PPFIBP2: variants seen among roughly 807,000 people sequenced by gnomAD.
PPFIBP2 encodes liprin-beta-2.
PPFIBP2 carries 118 observed loss-of-function variants against 118.3 expected under a neutral mutation model. That is an observed-to-expected ratio of 1.00 (90% CI 0.86 to 1.16). The LOEUF is 1.16. Ranked by LOEUF, PPFIBP2 falls within the 50% of genes most tolerant of loss-of-function variation. PPFIBP2 has a pLI of 0.00. For missense variants in PPFIBP2, 1,195 were observed against 1,073.1 expected, an observed-to-expected ratio of 1.11 and a Z score of -1.59; for synonymous variants, 414 against 397.4, an observed-to-expected ratio of 1.04 and a Z score of -0.50.
chr11:7,652,967 C>G, intron 23 of PPFIBP2, 57 bp from the exon 24 acceptor site: 1 of 1,529,492 alleles, frequency 6.5e-7, no homozygotes, highest in Non-Finnish European at 8.9e-7. Flanking sequence ...TATTGTCAGT[C>G]ATACCTGCAC....
At chr11:7,534,406 T>C (rs1375331589) in intron 1 of PPFIBP2, among the ~76,000 whole-genome samples, 1 of 152,252 alleles carries the variant, frequency 6.6e-6, no homozygotes, top group African/African-American at 2.4e-5. Context: ...AATATTCACT[T>C]TGAGGTTGCA....
chr11:7,596,757 T>C (rs1005228781), intron 4 of PPFIBP2, among the ~76,000 whole-genome samples: 1 of 152,212 alleles, frequency 6.6e-6, no homozygotes, highest in African/African-American at 2.4e-5. Context: ...TTCTCTCTCT[T>C]CTTGCTTTGA....
chr11:7,621,010 A>C lies in PPFIBP2; in HGVS notation c.694A>C (p.Lys232Gln), dbSNP rs1163514564. ...LENERNQYEW[K>Q]LKATKAEVAQ... ...AAATGAAAGGAATCAGTATGAATGG[A>C]AGCTAAAGGCCACTAAGGTAAACGG... The change falls in exon 7 of 24, where the codon AAG (lysine) becomes CAG (glutamine). Residue 232 changes from lysine (K) to glutamine (Q), a missense_variant. Physicochemically the swap from Lys to Gln is moderately conservative, Grantham distance 53 (BLOSUM62 1). Coordinates refer to ENST00000299492, the MANE Select transcript of PPFIBP2 (RefSeq NM_003621.5). The C allele has an allele frequency of 6.2e-7, 1 of 1,610,570 alleles. No homozygotes were observed. The highest frequency in any genetic ancestry group is 8.5e-7 in the Non-Finnish European group (1 of 1,176,676).
At chr11:7,561,993 A>G (rs556524185) in intron 2 of PPFIBP2, among the ~76,000 whole-genome samples, 7 of 152,212 alleles carry the variant, frequency 4.6e-5, no homozygotes, top group Non-Finnish European at 1.0e-4. Flanking sequence ...AAGTTTCAGG[A>G]TGAAACTGTT....
intron 5 of PPFIBP2, chr11:7,605,718 T>G: frequency 1.5e-6 from 2 of 1,346,380 alleles, no homozygotes; most frequent in South Asian, 4.2e-5. Context: ...ATAGAGTTAC[T>G]AAGTAACTAG....
Position 7,653,473 on chromosome 11 carries a change from G to A in PPFIBP2, c.*255G>A. 10 of 1,470,292 alleles carry A rather than the reference G, an allele frequency of 6.8e-6. No individual in the cohort carries two copies. Among genetic ancestry groups the A allele is most frequent in the Non-Finnish European group, 9.0e-6 (10 of 1,105,802 alleles). 91.1% of individuals were successfully genotyped at this position (1,470,292 alleles called of 1,614,324 possible). A position where few individuals can be genotyped will look rare whatever the true frequency, so the allele number is the denominator to read the frequency against. On this transcript the variant is annotated 3_prime_UTR_variant, in exon 24 of 24. Transcript: ENST00000299492. ...AAGACACTTAAAGACACTTTTACATGTCTAGTAATTCTTGATGTTCATCTT... is the reference window on the plus strand; with the variant it reads ...AAGACACTTAAAGACACTTTTACATATCTAGTAATTCTTGATGTTCATCTT...
chr11:7,635,585 G>C lies in PPFIBP2; in HGVS notation c.1228G>C (p.Glu410Gln), dbSNP rs746136424. ...MDGNQPFPVLEPKDSPFLAEH... is the reference protein window; with the variant it reads ...MDGNQPFPVLQPKDSPFLAEH... ...TGGGAACCAGCCCTTCCCGGTGTTA[G>C]AACCCAAGGTACATTGACTTCGTGC... The change falls in exon 14 of 24, where the codon GAA becomes CAA. Residue 410 changes from glutamate to glutamine, a missense_variant. Coordinates refer to ENST00000299492, the MANE Select transcript of PPFIBP2 (RefSeq NM_003621.5). 4.1e-5 allele frequency: 66 copies of C among 1,609,428 alleles called. No homozygotes were observed. Among genetic ancestry groups the C allele is most frequent in the Non-Finnish European group, 5.1e-5 (60 of 1,175,734 alleles).
intron 2 of PPFIBP2, among the ~76,000 whole-genome samples, chr11:7,559,286 T>C (rs1854024503): frequency 6.6e-6 from 1 of 152,210 alleles, no homozygotes; most frequent in Non-Finnish European, 1.5e-5. Context: ...TAAATTTTCC[T>C]GTTAATTCCA....
chr11:7,644,817 G>C (rs925831621), intron 17 of PPFIBP2, among the ~76,000 whole-genome samples: 7 of 151,662 alleles, frequency 4.6e-5, no homozygotes, highest in Non-Finnish European at 1.0e-4. Context: ...CACGAGGTCA[G>C]GAGATCGAGA....
chr11:7,552,495 A>G (rs944100481), intron 2 of PPFIBP2, among the ~76,000 whole-genome samples: 1 of 152,116 alleles, frequency 6.6e-6, no homozygotes, highest in African/African-American at 2.4e-5. Context: ...TGCAGATTTA[A>G]TACGTGGTCT....
chr11:7,543,550 G>C (rs1482172143), intron 1 of PPFIBP2, among the ~76,000 whole-genome samples: 1 of 152,230 alleles, frequency 6.6e-6, no homozygotes, highest in Admixed American at 6.5e-5. Flanking sequence ...GAGGCACAGG[G>C]AATAGCAGTG....
At chr11:7,592,517 G>A (rs1378176804) in intron 3 of PPFIBP2, among the ~76,000 whole-genome samples, 1 of 144,470 alleles carries the variant, frequency 6.9e-6, no homozygotes, top group Non-Finnish European at 1.5e-5. Context: ...GGGGAAATGT[G>A]ATCTGCCAGC....
chr11:7,537,404 G>A (rs1245296899), intron 1 of PPFIBP2, among the ~76,000 whole-genome samples: 2 of 152,202 alleles, frequency 1.3e-5, no homozygotes, highest in Non-Finnish European at 2.9e-5. Flanking sequence ...AGAGCAGGTG[G>A]TTTTTACACA....
At chr11:7,665,183 G>C in the PPFIBP2 span, 6 of 481,822 alleles carry the variant, frequency 1.2e-5, no homozygotes, top group Non-Finnish European at 2.2e-5. Context: ...CAAGCAAGGA[G>C]GCCCCAGCAG....
chr11:7,573,507 C>A (rs1339701140), intron 3 of PPFIBP2, among the ~76,000 whole-genome samples: 1 of 152,226 alleles, frequency 6.6e-6, no homozygotes, highest in African/African-American at 2.4e-5. Flanking sequence ...TTTTGCACTG[C>A]AAATAGGAGA....
At chr11:7,519,190 G>T (rs949205109) in intron 1 of PPFIBP2, among the ~76,000 whole-genome samples, 5 of 152,188 alleles carry the variant, frequency 3.3e-5, no homozygotes, top group Non-Finnish European at 7.3e-5. Flanking sequence ...TAAAGAGGAG[G>T]CTTGCGGGGT....
rs115737440 is a variant in PPFIBP2 at position 7,616,147 on chromosome 11, C to T, written c.619-4788C>T. On this transcript the variant is annotated intron_variant, in intron 6 of 23. Coordinates refer to ENST00000299492, the MANE Select transcript of PPFIBP2 (RefSeq NM_003621.5). The surrounding 1 kb of genome is among the most constrained non-coding windows in gnomAD (Gnocchi z 5.2). ...ACAAAGCCATACACACACATACACA[C>T]GCACACACAAACACCCACACACAGT... is the stretch of plus-strand genomic sequence containing the variant. 1.4e-4 allele frequency among the ~76,000 whole-genome samples: 22 copies of T among 152,052 alleles called. No individual in the cohort carries two copies. Among genetic ancestry groups the T allele is most frequent in the South Asian group, 8.3e-4 (4 of 4,822 alleles).
At chr11:7,648,254 T>G in intron 17 of PPFIBP2, 133 bp from the exon 18 acceptor site, 7 of 971,104 alleles carry the variant, frequency 7.2e-6, no homozygotes, top group Non-Finnish European at 1.0e-5. Flanking sequence ...AATCCCATGA[T>G]GGAGGTTGTT....
chr11:7,605,550 C>G lies in PPFIBP2; in HGVS notation c.487-4741C>G, dbSNP rs191131101. ...TTTTAAGCTGTGGAGAGTGGAATCA[C>G]GACAAAAGACTAACAAATGCACATG... On this transcript the variant is annotated intron_variant, in intron 5 of 23. Coordinates refer to ENST00000299492, the MANE Select transcript of PPFIBP2 (RefSeq NM_003621.5). Among the ~76,000 whole-genome samples the G allele has an allele frequency of 5.3e-5, 8 of 152,280 alleles. No homozygotes were observed. The East Asian group carries it at 7.7e-4, about 15-fold the overall frequency.
Sources: allele counts gnomAD v4.1 joint callset (sites outside exome capture counted in the v4.1 genomes callset), GRCh38; gene constraint gnomAD v4.1.1; non-coding constraint Gnocchi (gnomAD v3.1); transcripts MANE v1.5; gene names NCBI Gene and HGNC (gene_info 2026-07-23, HGNC 2026-07-21).